Variants in DAB2IP observed in about 807,000 individuals in gnomAD.
DAB2IP encodes the protein disabled homolog 2-interacting protein.
In DAB2IP, 28 loss-of-function variants were observed where a neutral mutation model predicts 107.2. That is an observed-to-expected ratio of 0.26 (90% CI 0.19 to 0.36). The LOEUF (loss-of-function observed/expected upper bound fraction) is 0.36. DAB2IP is among the 10% of genes least tolerant of loss of function. The probability of loss-of-function intolerance (pLI) is 1.00; values close to 1 mark genes in which losing one functional copy is unlikely to be tolerated. For synonymous variants in DAB2IP, 755 were observed against 706.4 expected, an observed-to-expected ratio of 1.07 and a Z score of -1.09; for missense variants, 1,400 against 1,644.7, an observed-to-expected ratio of 0.85 and a Z score of 2.57.
At chr9:121,607,454 C>T (rs775704396) in intron 1 of DAB2IP, among the ~76,000 whole-genome samples, 2 of 151,972 alleles carry the variant, frequency 1.3e-5, no homozygotes, top group African/African-American at 2.4e-5. Flanking sequence ...AGGCAAGCAC[C>T]ACCATGCCCA....
At chr9:121,637,056 G>A (rs1050476002) in intron 1 of DAB2IP, among the ~76,000 whole-genome samples, 5 of 152,298 alleles carry the variant, frequency 3.3e-5, no homozygotes, top group Admixed American at 1.3e-4. Flanking sequence ...TCTGCATGAA[G>A]CCATGAGTTC....
At chr9:121,768,620 G>A in exon 10 of DAB2IP, 1 of 1,613,768 alleles carries the variant, frequency 6.2e-7, no homozygotes, top group Non-Finnish European at 8.5e-7. Flanking sequence ...GAGGCCGTCA[G>A]CCAGCTGGAG....
chr9:121,782,616 A>G lies in DAB2IP; in HGVS notation c.*118A>G, dbSNP rs1273798491. On this transcript the variant is annotated 3_prime_UTR_variant, in exon 16 of 16. Transcript: ENST00000408936. The surrounding 1 kb of genome is among the most constrained non-coding windows in gnomAD (Gnocchi z 6.1). ...CCCCAGCGCGGGTGTCAGGAGGCCG[A>G]GCCTCCCCTCCCTGCCGCTGTCCAG... 2 of 1,512,250 alleles carry G rather than the reference A, an allele frequency of 1.3e-6. No individual in the cohort carries two copies. Among genetic ancestry groups the G allele is most frequent in the African/African-American group, 2.8e-5 (2 of 72,302 alleles). The allele number at this position is 1,512,250 out of a possible 1,614,324, so 93.7% of individuals were successfully genotyped here.
chr9:121,781,605 G>A, intron 15 of DAB2IP, 54 bp downstream of exon 15: 1 of 1,558,434 alleles, frequency 6.4e-7, no homozygotes, highest in Non-Finnish European at 8.8e-7. Context: ...CTGGGATTAG[G>A]AGGGGTGACT....
chr9:121,624,781 A>G (rs1056102940), intron 1 of DAB2IP, among the ~76,000 whole-genome samples: 1 of 152,204 alleles, frequency 6.6e-6, no homozygotes, highest in African/African-American at 2.4e-5. Flanking sequence ...TTCTCAGGAC[A>G]TATCTCCATC....
At chr9:121,623,256 G>A (rs762769559) in intron 1 of DAB2IP, among the ~76,000 whole-genome samples, 1 of 152,196 alleles carries the variant, frequency 6.6e-6, no homozygotes, top group East Asian at 1.9e-4. Flanking sequence ...CAGGGGTGGT[G>A]CAGGGCCAGT....
At chr9:121,644,965 A>G (rs1017024612) in intron 1 of DAB2IP, among the ~76,000 whole-genome samples, 1 of 152,196 alleles carries the variant, frequency 6.6e-6, no homozygotes, top group Non-Finnish European at 1.5e-5. Context: ...CCAGCCATGA[A>G]ATGGTTCACA....
chr9:121,583,249 C>A (rs192938543), intron 1 of DAB2IP, among the ~76,000 whole-genome samples: 19 of 152,116 alleles, frequency 1.2e-4, no homozygotes, highest in Admixed American at 5.9e-4. Context: ...ATTAGTCGAG[C>A]GTGGTGGCAG....
At chr9:121,577,734 G>T (rs1830097956) in intron 1 of DAB2IP, among the ~76,000 whole-genome samples, 1 of 152,220 alleles carries the variant, frequency 6.6e-6, no homozygotes, top group Non-Finnish European at 1.5e-5. Flanking sequence ...TAATGGTGGG[G>T]TGTTAGGCAT....
exon 11 of DAB2IP, chr9:121,770,574 C>T: frequency 7.4e-6 from 12 of 1,614,130 alleles, no homozygotes; most frequent in Admixed American, 1.7e-5. Flanking sequence ...GGACCCCTGC[C>T]TCGGATCCTG....
chr9:121,777,073 A>G (rs1835254477), intron 14 of DAB2IP, among the ~76,000 whole-genome samples: 2 of 152,280 alleles, frequency 1.3e-5, no homozygotes, highest in East Asian at 3.9e-4. Flanking sequence ...GGCTCTGCCT[A>G]TGGGTAGGGC....
intron 1 of DAB2IP, among the ~76,000 whole-genome samples, chr9:121,665,611 G>A (rs1287591879): frequency 6.6e-6 from 1 of 152,142 alleles, no homozygotes; most frequent in East Asian, 1.9e-4. Flanking sequence ...AGGATAACAT[G>A]TGTACAGATG....
At chr9:121,722,055 G>T (rs1262035944) in intron 3 of DAB2IP, among the ~76,000 whole-genome samples, 1 of 152,218 alleles carries the variant, frequency 6.6e-6, no homozygotes, top group Non-Finnish European at 1.5e-5. Flanking sequence ...TCACATAAAT[G>T]AGGCTTTGGC....
intron 1 of DAB2IP, among the ~76,000 whole-genome samples, chr9:121,669,351 T>A (rs1833581980): frequency 6.6e-6 from 1 of 152,144 alleles, no homozygotes; most frequent in African/African-American, 2.4e-5. Context: ...ATAGGACGGA[T>A]CCTCCAGCTG....
At position 121,772,472 on chromosome 9, in the gene DAB2IP, A is replaced by G. The variant is rs1233792627; in HGVS notation, c.2079-135A>G. 2 of 924,988 alleles carry G rather than the reference A, an allele frequency of 2.2e-6. No individual in the cohort carries two copies. Among genetic ancestry groups the G allele is most frequent in the Non-Finnish European group, 3.3e-6 (2 of 606,202 alleles). The allele number at this position is 924,988 out of a possible 1,614,324, so 57.3% of individuals were successfully genotyped here. On this transcript the variant is annotated intron_variant, in intron 11 of 15. Coordinates refer to ENST00000408936, the Ensembl canonical transcript of DAB2IP. The surrounding 1 kb of genome is among the most constrained non-coding windows in gnomAD (Gnocchi z 4.7). ...TCTCCCACTCCTGCCACCCCAGCGC[A>G]TCCATCTCCCCAGCGCTGGCTCAGG...
intron 1 of DAB2IP, among the ~76,000 whole-genome samples, chr9:121,582,342 C>A (rs1830217185): frequency 6.6e-6 from 1 of 152,118 alleles, no homozygotes; most frequent in South Asian, 2.1e-4. Flanking sequence ...AGCCCAAAGC[C>A]CCCTTCCTTC....
At chr9:121,639,830 G>A (rs1038764293) in intron 1 of DAB2IP, among the ~76,000 whole-genome samples, 33 of 152,218 alleles carry the variant, frequency 2.2e-4, no homozygotes, top group African/African-American at 7.9e-4. Flanking sequence ...GGCTCAGTGC[G>A]GCCCACGGAT....
At chr9:121,746,116 T>A (rs575692683) in intron 3 of DAB2IP, among the ~76,000 whole-genome samples, 2 of 151,476 alleles carry the variant, frequency 1.3e-5, no homozygotes, top group Admixed American at 1.3e-4. Context: ...CTGGGCAGAG[T>A]GAGAGACAGA....
intron 4 of DAB2IP, 63 bp downstream of exon 4, chr9:121,757,229 C>G (rs903552091): frequency 5.7e-6 from 9 of 1,574,386 alleles, no homozygotes; most frequent in Non-Finnish European, 7.8e-6. Flanking sequence ...CTGGTCTCCT[C>G]CAGACATCCT....
Sources: gnomAD v4.1 joint callset for allele counts (sites outside exome capture counted in the v4.1 genomes callset) on GRCh38, gnomAD v4.1.1 for gene constraint, Gnocchi (gnomAD v3.1) non-coding constraint, MANE v1.5 for transcripts, NCBI Gene and HGNC (gene_info 2026-07-23, HGNC 2026-07-21) for gene names.